The following MEIS1 variants were observed in gnomAD, a reference collection of about 807,000 sequenced individuals.
MEIS1 encodes homeobox protein Meis1.
In MEIS1, 5 loss-of-function variants were observed where a neutral mutation model predicts 50.8. The observed-to-expected ratio is 0.10, with a 90% CI of 0.05 to 0.21. MEIS1 has a LOEUF of 0.21. Ranked by LOEUF, MEIS1 falls within the 10% of genes least tolerant of loss-of-function variation. MEIS1 has a pLI of 1.00. For synonymous variants in MEIS1, 176 were observed against 179.3 expected (o/e 0.98, Z 0.15); for missense variants, 318 against 517.3 (o/e 0.61, Z 3.74).
At chr2:66,488,976 C>T (rs987371585) in intron 7 of MEIS1, among the ~76,000 whole-genome samples, 1 of 152,180 alleles carries the variant, frequency 6.6e-6, no homozygotes, top group Non-Finnish European at 1.5e-5. Context: ...TTAATTCTTC[C>T]TAAAGTTTTT....
chr2:66,484,447 G>C (rs1673088209), intron 7 of MEIS1, among the ~76,000 whole-genome samples: 1 of 151,952 alleles, frequency 6.6e-6, no homozygotes, highest in Non-Finnish European at 1.5e-5. Context: ...TTTTATATTA[G>C]CTGCAAGCCC....
chr2:66,558,482 T>C (rs1475179584), intron 9 of MEIS1, among the ~76,000 whole-genome samples: 1 of 152,120 alleles, frequency 6.6e-6, no homozygotes, highest in African/African-American at 2.4e-5. Flanking sequence ...ATTGTTTTCC[T>C]TTAAGTGTGT....
intron 9 of MEIS1, among the ~76,000 whole-genome samples, chr2:66,556,860 A>G (rs1675078720): frequency 7.0e-6 from 1 of 143,856 alleles, no homozygotes; most frequent in African/African-American, 2.5e-5. Flanking sequence ...TACTGTTTAC[A>G]GAAAGGAAAG....
intron 9 of MEIS1, among the ~76,000 whole-genome samples, chr2:66,550,609 G>C (rs116497877): frequency 6.6e-6 from 1 of 151,914 alleles, no homozygotes; most frequent in African/African-American, 2.4e-5. Context: ...TAATCCTCCT[G>C]ACTCAGCCTC....
At chr2:66,493,045 AT>A (rs1415385135) in intron 7 of MEIS1, among the ~76,000 whole-genome samples, 2 of 152,218 alleles carry the variant, frequency 1.3e-5, no homozygotes, top group Non-Finnish European at 2.9e-5. Flanking sequence ...CTTTGGGACC[AT>A]GTTGCTTGGC....
chr2:66,448,120 T>C (rs766699736), intron 6 of MEIS1, among the ~76,000 whole-genome samples: 1 of 152,090 alleles, frequency 6.6e-6, no homozygotes, highest in Non-Finnish European at 1.5e-5. Flanking sequence ...GAATCTTAAA[T>C]AATAGAGGAA....
At chr2:66,438,236 GTCCCCTCTCAGAC>G (rs1385956766) in intron 2 of MEIS1, among the ~76,000 whole-genome samples, 1 of 152,224 alleles carries the variant, frequency 6.6e-6, no homozygotes, top group East Asian at 1.9e-4. Flanking sequence ...AAGGGCCCTT[GTCCCCTCTCAGAC>G]TCCTTCAGCG....
intron 4 of MEIS1, chr2:66,441,013 G>A (rs950914540): frequency 9.1e-6 from 3 of 329,206 alleles, no homozygotes; most frequent in Admixed American, 4.5e-5. Flanking sequence ...AAGGTGTAAG[G>A]AAGGCAGCAG....
intron 7 of MEIS1, among the ~76,000 whole-genome samples, chr2:66,501,338 A>G (rs1215909533): frequency 6.6e-6 from 1 of 152,150 alleles, no homozygotes. Flanking sequence ...TTTACCAATA[A>G]TGTAAATGTA....
At chr2:66,525,221 A>G (rs1000392801) in intron 8 of MEIS1, among the ~76,000 whole-genome samples, 1 of 152,114 alleles carries the variant, frequency 6.6e-6, no homozygotes, top group Non-Finnish European at 1.5e-5. Context: ...TCAAAAACAA[A>G]CAAACAAAAA....
Position 66,491,482 on chromosome 2 carries a change from G to C in MEIS1, c.743-20667G>C, listed in dbSNP as rs536254596. ...ATATGGTTCTTATTCCACCTTAATGGGTGGGGGCTACTCTGATACTTCCTG... is the reference window on the plus strand; with the variant it reads ...ATATGGTTCTTATTCCACCTTAATGCGTGGGGGCTACTCTGATACTTCCTG... On this transcript the variant is annotated intron_variant, in intron 7 of 12. Coordinates refer to ENST00000272369, the MANE Select transcript of MEIS1 (RefSeq NM_002398.3). Among the ~76,000 whole-genome samples the C allele has an allele frequency of 5.6e-4, 86 of 152,288 alleles. 1 individual carries two copies. Among genetic ancestry groups the C allele is most frequent in the Middle Eastern group, 3.4e-3 (1 of 294 alleles).
rs1051598943 is a variant in MEIS1, at chr2:66,572,444, G to C, written c.*1236G>C. On this transcript the variant is annotated 3_prime_UTR_variant, in exon 13 of 13. Transcript: ENST00000272369. Reference sequence around the variant, plus strand: ...TTGTAAATAAATTTTGTGCAAAAAGGACTGGAAAAATGAACTGTATTATTG... The same window carrying C: ...TTGTAAATAAATTTTGTGCAAAAAGCACTGGAAAAATGAACTGTATTATTG... 1 of 152,120 alleles carries C rather than the reference G, an allele frequency of 6.6e-6. No individual in the cohort carries two copies. The highest frequency in any genetic ancestry group is 2.4e-5 in the African/African-American group (1 of 41,434). 9.4% of individuals were successfully genotyped at this position (152,120 alleles called of 1,614,324 possible).
At chr2:66,473,397 A>AAAAAAAAAAAT in intron 7 of MEIS1, among the ~76,000 whole-genome samples, 3 of 107,596 alleles carry the variant, frequency 2.8e-5, no homozygotes, top group African/African-American at 1.7e-4. Flanking sequence ...AAAAAAAAAA[A>AAAAAAAAAAAT]ATATATATAT....
In MEIS1 at chr2:66,441,477, G is replaced by T; in HGVS notation, c.483+13G>T. 6.5e-7 allele frequency: 1 copy of T among 1,537,550 alleles called. No homozygotes were observed. The highest frequency in any genetic ancestry group is 8.8e-7 in the Non-Finnish European group (1 of 1,140,984). On this transcript the variant is annotated intron_variant, in intron 5 of 12. Transcript: ENST00000272369. ...GGAATTAGAGAAGGTAATTTCTCTA[G>T]CCTCTTTTCCTTTTACTTACCCCTT...
chr2:66,500,650 C>G (rs1323509848), intron 7 of MEIS1, among the ~76,000 whole-genome samples: 1 of 152,102 alleles, frequency 6.6e-6, no homozygotes, highest in Non-Finnish European at 1.5e-5. Context: ...GTCTAGAACT[C>G]CTGACCTCAA....
intron 6 of MEIS1, among the ~76,000 whole-genome samples, chr2:66,445,610 C>T (rs1484288204): frequency 6.6e-6 from 1 of 152,126 alleles, no homozygotes. Flanking sequence ...AACGCTGGGC[C>T]TTGTTAGCTC....
intron 7 of MEIS1, among the ~76,000 whole-genome samples, chr2:66,499,584 A>T (rs920416196): frequency 6.6e-5 from 10 of 151,930 alleles, no homozygotes; most frequent in African/African-American, 2.4e-4. Flanking sequence ...GAAGACAGGG[A>T]GAGCCAGACA....
At chr2:66,495,962 C>T (rs1300585543) in intron 7 of MEIS1, 1 of 152,402 alleles carries the variant, frequency 6.6e-6, no homozygotes, top group East Asian at 1.9e-4. Flanking sequence ...AGAAGTCAGG[C>T]AGGCCTACGA....
intron 7 of MEIS1, among the ~76,000 whole-genome samples, chr2:66,502,418 T>C (rs1329260247): frequency 6.6e-6 from 1 of 152,264 alleles, no homozygotes; most frequent in Admixed American, 6.5e-5. Context: ...CTTATTACTT[T>C]ACCTAAAATT....
Sources: gnomAD v4.1 joint callset for allele counts (sites outside exome capture counted in the v4.1 genomes callset) on GRCh38, gnomAD v4.1.1 for gene constraint, MANE v1.5 for transcripts, NCBI Gene and HGNC (gene_info 2026-07-23, HGNC 2026-07-21) for gene names.